The following CHODL variants were observed in gnomAD, a reference collection of about 807,000 sequenced individuals.
The protein encoded by CHODL is transmembrane protein MT75.
A neutral mutation model predicts 34.5 loss-of-function variants in CHODL; 29 were observed. The ratio of observed to expected loss-of-function variants is 0.84; its 90% CI spans 0.63 to 1.15. The LOEUF (loss-of-function observed/expected upper bound fraction) is 1.15, where lower values mean the gene tolerates loss of function less well. Ranked by LOEUF, CHODL falls within the 50% of genes most tolerant of loss-of-function variation. CHODL has a pLI of 0.00. For synonymous variants in CHODL, 125 were observed against 116.1 expected (o/e 1.08, Z -0.49); for missense variants, 332 against 332.5 (o/e 1.00, Z 0.01).
intron 1 of CHODL, among the ~76,000 whole-genome samples, chr21:17,950,085 C>T (rs1023114818): frequency 3.3e-4 from 51 of 152,268 alleles, no homozygotes; most frequent in Non-Finnish European, 4.0e-4. Context: ...TGCTTCACTT[C>T]ATTCTGTCTT....
At chr21:18,241,163 C>T (rs1338643615), upstream of CHODL, among the ~76,000 whole-genome samples, 3 of 151,848 alleles carry the variant, frequency 2.0e-5, no homozygotes, top group East Asian at 5.8e-4. Flanking sequence ...CACACAGATG[C>T]CAAGGTGTCA....
At chr21:18,107,937 C>G (rs1219499271) in intron 2 of CHODL, among the ~76,000 whole-genome samples, 1 of 152,140 alleles carries the variant, frequency 6.6e-6, no homozygotes, top group African/African-American at 2.4e-5. Context: ...AAAAGATGAC[C>G]TTTGCATAGA....
chr21:17,954,630 C>T (rs975318705), intron 1 of CHODL, among the ~76,000 whole-genome samples: 2 of 135,034 alleles, frequency 1.5e-5, no homozygotes, highest in Admixed American at 7.4e-5. Context: ...AGCTGGTCCT[C>T]AGGCCTTTGG....
intron 2 of CHODL, among the ~76,000 whole-genome samples, chr21:18,134,725 AGAG>A (rs1236624362): frequency 1.3e-5 from 2 of 152,178 alleles, no homozygotes; most frequent in Non-Finnish European, 2.9e-5. Context: ...CTCTCTCACA[AGAG>A]GAGGAGATTG....
At position 18,129,892 on chromosome 21, in the gene CHODL, CTGTG is replaced by C. The variant is rs150557806; in HGVS notation, c.-45+101955_-45+101958del. ...TAGTATTCTCTCTCTCTGTCTTTCTCTGTGTGTGTGTGTGTGTGTGTGTGTGTGT... is the reference window on the plus strand; with the variant it reads ...TAGTATTCTCTCTCTCTGTCTTTCTCTGTGTGTGTGTGTGTGTGTGTGTGT... On this transcript the variant is annotated intron_variant, in intron 2 of 6. Coordinates refer to the CHODL transcript ENST00000400127. Among the ~76,000 whole-genome samples, 839 of 140,676 alleles carry C rather than the reference CTGTG, an allele frequency of 6.0e-3. 5 individuals carry two copies. Among genetic ancestry groups the C allele is most frequent in the Non-Finnish European group, 8.4e-3 (517 of 61,432 alleles). The allele number at this position is 140,676 out of a possible 152,430, so 92.3% of individuals were successfully genotyped here.
At chr21:18,062,991 C>A (rs749747098) in intron 2 of CHODL, among the ~76,000 whole-genome samples, 5 of 152,094 alleles carry the variant, frequency 3.3e-5, no homozygotes, top group Non-Finnish European at 7.4e-5. Context: ...ATGAAAACTT[C>A]AGAAAAACTC....
intron 1 of CHODL, among the ~76,000 whole-genome samples, chr21:18,004,961 T>C (rs554649626): frequency 6.0e-4 from 92 of 152,366 alleles, no homozygotes; most frequent in African/African-American, 2.0e-3. Flanking sequence ...CAGTGTGGTA[T>C]GCTTATTAGT....
intron 1 of CHODL, among the ~76,000 whole-genome samples, chr21:18,003,121 CAAA>C (rs372188101): frequency 2.6e-5 from 2 of 75,678 alleles, no homozygotes; most frequent in Non-Finnish European, 5.5e-5. Flanking sequence ...GACTCCGTCT[CAAA>C]AAAAAAAAAA....
chr21:18,135,468 A>G (rs1399421367), intron 2 of CHODL, among the ~76,000 whole-genome samples: 2 of 152,124 alleles, frequency 1.3e-5, no homozygotes, highest in Non-Finnish European at 2.9e-5. Context: ...CGTTCCATCC[A>G]ATTATCTTTT....
chr21:18,128,267 C>G (rs2072602447), intron 2 of CHODL, among the ~76,000 whole-genome samples: 1 of 124,892 alleles, frequency 8.0e-6, no homozygotes, highest in Non-Finnish European at 1.6e-5. Flanking sequence ...CGCCACTGCA[C>G]TCCAGCCTGG....
At chr21:18,038,625 A>G (rs889393182) in intron 2 of CHODL, among the ~76,000 whole-genome samples, 2 of 151,762 alleles carry the variant, frequency 1.3e-5, no homozygotes, top group Non-Finnish European at 3.0e-5. Context: ...CCCATATTTG[A>G]TGACCACTTA....
At chr21:18,123,008 T>A (rs2065498622) in intron 2 of CHODL, among the ~76,000 whole-genome samples, 1 of 152,238 alleles carries the variant, frequency 6.6e-6, no homozygotes, top group African/African-American at 2.4e-5. Flanking sequence ...ACAAGCAGCT[T>A]TCGATGCTAA....
rs141298939 is a variant in CHODL at position 18,083,982 on chromosome 21, G to A, written c.-45+56011G>A. ...TGAGAAGAACATGAGATTTGGGAGA[G>A]GCAATGTGGTTTCGCTCTGTGTCCC... On this transcript the variant is annotated intron_variant, in intron 2 of 6. Coordinates refer to the CHODL transcript ENST00000400127. Among the ~76,000 whole-genome samples, 512 of 152,278 alleles carry A rather than the reference G, an allele frequency of 3.4e-3. 1 individual carries two copies. The highest frequency in any genetic ancestry group is 5.9e-3 in the Non-Finnish European group (398 of 68,006).
At chr21:18,174,303 A>T (rs1242697775) in intron 2 of CHODL, among the ~76,000 whole-genome samples, 1 of 151,438 alleles carries the variant, frequency 6.6e-6, no homozygotes. Flanking sequence ...TACATAGCAC[A>T]CAAAATAATT....
At chr21:17,995,601 A>G (rs1254461461) in intron 1 of CHODL, among the ~76,000 whole-genome samples, 1 of 152,228 alleles carries the variant, frequency 6.6e-6, no homozygotes, top group Non-Finnish European at 1.5e-5. Flanking sequence ...CTTATCAGCC[A>G]TCTTGAAGCT....
chr21:18,099,975 A>C (rs1422194852), intron 2 of CHODL: 1 of 152,136 alleles, frequency 6.6e-6, no homozygotes, highest in Non-Finnish European at 1.5e-5. Context: ...TCCACATATA[A>C]AGGTGCATTG....
chr21:17,985,239 C>T (rs572591208), intron 1 of CHODL, among the ~76,000 whole-genome samples: 27 of 152,194 alleles, frequency 1.8e-4, no homozygotes, highest in African/African-American at 6.0e-4. Context: ...CTGTAGTTCT[C>T]GTCCCATAAA....
At chr21:18,013,667 C>CTTTTTTTTT (rs2064042637) in intron 1 of CHODL, among the ~76,000 whole-genome samples, 1 of 19,178 alleles carries the variant, frequency 5.2e-5, no homozygotes. Context: ...CAGAGTCTTG[C>CTTTTTTTTT]TCTGTTGCCC....
At chr21:18,003,113 C>G (rs540532367) in intron 1 of CHODL, among the ~76,000 whole-genome samples, 1 of 141,896 alleles carries the variant, frequency 7.0e-6, no homozygotes, top group South Asian at 2.2e-4. Context: ...GACAGCGAGA[C>G]TCCGTCTCAA....
Sources: gnomAD v4.1 joint callset for allele counts (sites outside exome capture counted in the v4.1 genomes callset) on GRCh38, gnomAD v4.1.1 for gene constraint, MANE v1.5 for transcripts, NCBI Gene and HGNC (gene_info 2026-07-23, HGNC 2026-07-21) for gene names.